Variants in MIER3 observed in about 807,000 individuals in gnomAD.
The protein encoded by MIER3 is MIER family member 3, also known as mesoderm induction early response protein 3.
MIER3 carries 9 observed loss-of-function variants against 63.2 expected under a neutral mutation model. The ratio of observed to expected loss-of-function variants is 0.14; its 90% confidence interval spans 0.09 to 0.25. The LOEUF (loss-of-function observed/expected upper bound fraction) is 0.25. Ranked by LOEUF, MIER3 falls within the 10% of genes least tolerant of loss-of-function variation. MIER3 has a pLI of 1.00. For synonymous variants in MIER3, 205 were observed against 224.9 expected, an observed-to-expected ratio of 0.91 and a Z score of 0.79; for missense variants, 512 against 666.2, an observed-to-expected ratio of 0.77 and a Z score of 2.55.
chr5:56,949,374 G>A (rs1750939115), intron 2 of MIER3, among the ~76,000 whole-genome samples: 1 of 152,112 alleles, frequency 6.6e-6, no homozygotes, highest in Non-Finnish European at 1.5e-5. Flanking sequence ...GAGGCTAATT[G>A]ATTAAAAACA....
chr5:56,944,224 C>A (rs1193450252), intron 3 of MIER3, among the ~76,000 whole-genome samples: 2 of 152,054 alleles, frequency 1.3e-5, no homozygotes, highest in African/African-American at 4.8e-5. Context: ...GTAATCCCAG[C>A]ACTTTGGGAG....
Position 56,935,484 on chromosome 5 carries a change from A to G in MIER3, c.539T>C (p.Leu180Ser). ...EDLRKEIMIG[L>S]QYQAEIPPYL... ...AGGGGGAATCTCTGCCTGATATTGT[A>G]AACCAATCATTATTTCCTACAGGAA... is the stretch of plus-strand genomic sequence containing the variant. The change falls in exon 7 of 13, where the codon TTA (leucine) becomes TCA (serine). Residue 180 changes from leucine to serine, a missense_variant. Around this residue, in one of 5 missense-constraint regions of MIER3, gnomAD observed 118 missense variants for 133.6 expected, o/e 0.88. Transcript: ENST00000381199. 6.3e-7 allele frequency: 1 copy of G among 1,593,322 alleles called. No homozygotes were observed. Among genetic ancestry groups the G allele is most frequent in the Non-Finnish European group, 8.5e-7 (1 of 1,174,176 alleles).
At position 56,950,657 on chromosome 5, in the gene MIER3, G is replaced by C. The variant is rs1198610895; in HGVS notation, c.10-5C>G. Reference sequence around the variant, plus strand: ...GCTCGAACTTCCAAAAGAAGCCTAGGAGAGAGAGAAGAAAACGTGAGGTTA... The same window carrying C: ...GCTCGAACTTCCAAAAGAAGCCTAGCAGAGAGAGAAGAAAACGTGAGGTTA... On this transcript the variant is annotated splice_region_variant and splice_polypyrimidine_tract_variant and intron_variant, in intron 1 of 12. Coordinates refer to ENST00000381199, the MANE Select transcript of MIER3 (RefSeq NM_001297599.2). 1.2e-6 allele frequency: 2 copies of C among 1,613,300 alleles called. No individual in the cohort carries two copies. Among genetic ancestry groups the C allele is most frequent in the African/African-American group, 2.7e-5 (2 of 74,858 alleles).
chr5:56,933,167 T>C (rs1368330828), intron 8 of MIER3, 80 bp downstream of exon 8: 6 of 1,374,968 alleles, frequency 4.4e-6, no homozygotes, highest in Non-Finnish European at 4.8e-6. Flanking sequence ...ACCTCACATG[T>C]TAAAAATATC....
At chr5:56,931,936 AAC>A (rs1242311368) in intron 8 of MIER3, among the ~76,000 whole-genome samples, 1 of 152,214 alleles carries the variant, frequency 6.6e-6, no homozygotes, top group African/African-American at 2.4e-5. Context: ...AAGTAGTTTC[AAC>A]AGTTTAAGAT....
At chr5:56,950,759 G>A in intron 1 of MIER3, 107 bp from the exon 2 acceptor site, 3 of 1,268,476 alleles carry the variant, frequency 2.4e-6, no homozygotes, top group Non-Finnish European at 3.4e-6. Context: ...CTCCGCAGCT[G>A]CCAAAAGTGC....
intron 8 of MIER3, among the ~76,000 whole-genome samples, chr5:56,931,806 T>C (rs1451410557): frequency 2.0e-5 from 3 of 152,136 alleles, no homozygotes; most frequent in Non-Finnish European, 4.4e-5. Flanking sequence ...AATTTAATAA[T>C]GACCCGAAAA....
In MIER3 at chr5:56,921,379, G is replaced by GAGTAAT. The variant is rs1295021847; in HGVS notation, c.*1748_*1749insATTACT. On this transcript the variant is annotated 3_prime_UTR_variant, in exon 13 of 13. Coordinates refer to ENST00000381199, the MANE Select transcript of MIER3 (RefSeq NM_001297599.2). ...ATACAAGAAAGTAACACAGAGCCCA[G>GAGTAAT]GCTACCCATTATTTACTGTGTGCAT... 6.6e-6 allele frequency: 1 copy of GAGTAAT among 152,268 alleles called. No homozygotes were observed. The highest frequency in any genetic ancestry group is 2.4e-5 in the African/African-American group (1 of 41,408). The allele number at this position is 152,268 out of a possible 1,614,324, so 9.4% of individuals were successfully genotyped here. A position where few individuals can be genotyped will look rare whatever the true frequency, so the allele number is the denominator to read the frequency against.
In MIER3 at chr5:56,950,667, A is replaced by G. The variant is rs746627451; in HGVS notation, c.10-15T>C. 1.2e-6 allele frequency: 2 copies of G among 1,613,290 alleles called. No individual in the cohort carries two copies. The highest frequency in any genetic ancestry group is 2.2e-5 in the East Asian group (1 of 44,860). On this transcript the variant is annotated splice_polypyrimidine_tract_variant and intron_variant, in intron 1 of 12. Transcript: ENST00000381199. ...CCAAAAGAAGCCTAGGAGAGAGAGA[A>G]GAAAACGTGAGGTTAGATCGCACAG...
chr5:56,938,848 G>T, intron 4 of MIER3, 35 bp downstream of exon 4: 1 of 1,603,354 alleles, frequency 6.2e-7, no homozygotes, highest in South Asian at 1.1e-5. Flanking sequence ...AATGGTAACA[G>T]ACCCTGAATT....
intron 4 of MIER3, chr5:56,938,454 G>A (rs977129845): frequency 7.3e-5 from 33 of 451,688 alleles, no homozygotes; most frequent in African/African-American, 6.1e-4. Flanking sequence ...ATGGATCACC[G>A]CGGTCTTGGC....
rs1749626317 is a variant in MIER3 at position 56,920,611 on chromosome 5, G to A, written c.*2517C>T. On this transcript the variant is annotated 3_prime_UTR_variant, in exon 13 of 13. Coordinates refer to ENST00000381199, the MANE Select transcript of MIER3 (RefSeq NM_001297599.2). ...ACAGTAACAAATTCTCTGTTAAGATGTTTAAACTGAGAGAAAAAAAAAACC... is the reference window on the plus strand; with the variant it reads ...ACAGTAACAAATTCTCTGTTAAGATATTTAAACTGAGAGAAAAAAAAAACC... 6.6e-6 allele frequency: 1 copy of A among 152,024 alleles called. No homozygotes were observed. The allele number at this position is 152,024 out of a possible 1,614,324, so 9.4% of individuals were successfully genotyped here.
intron 7 of MIER3, among the ~76,000 whole-genome samples, 167 bp downstream of exon 7, chr5:56,935,261 T>C (rs1265845780): frequency 6.6e-6 from 1 of 152,152 alleles, no homozygotes; most frequent in Non-Finnish European, 1.5e-5. Flanking sequence ...GTCTAGTGAT[T>C]AACTTTGATA....
chr5:56,947,037 G>C lies in MIER3; in HGVS notation c.69C>G (p.Asp23Glu). 6.2e-7 allele frequency: 1 copy of C among 1,609,358 alleles called. No homozygotes were observed. Among genetic ancestry groups the C allele is most frequent in the Non-Finnish European group, 8.5e-7 (1 of 1,178,462 alleles). Reference protein sequence around the residue: ...GSLSSEDHDFDPTAEMLVHDY... With the variant: ...GSLSSEDHDFEPTAEMLVHDY... ...CATGGACCAACATCTCAGCAGTGGG[G>C]TCAAAATCATGATCCTCAGAAGACA... Residue 23 changes from aspartate (D) to glutamate (E), a missense_variant, in exon 3 of 13, where the codon GAC becomes GAG. This residue lies in a region of MIER3 where 98 missense variants were observed against 107.4 expected (regional missense o/e 0.91). Transcript: ENST00000381199.
intron 3 of MIER3, among the ~76,000 whole-genome samples, chr5:56,944,188 T>G (rs1750747807): frequency 6.6e-6 from 1 of 152,002 alleles, no homozygotes; most frequent in African/African-American, 2.4e-5. Flanking sequence ...AAGTCAACAG[T>G]AGGCTGGGCG....
At chr5:56,925,305 G>A (rs745878589) in intron 10 of MIER3, 4 of 453,690 alleles carry the variant, frequency 8.8e-6, no homozygotes, top group Non-Finnish European at 1.8e-5. Context: ...GATTGGGAAG[G>A]AAGAAATAAA....
chr5:56,925,020 T>A (rs539802002), intron 10 of MIER3, among the ~76,000 whole-genome samples: 1 of 152,216 alleles, frequency 6.6e-6, no homozygotes, highest in African/African-American at 2.4e-5. Flanking sequence ...GTATCTCTAG[T>A]GCCTAAAACA....
At chr5:56,937,133 A>G (rs1250563316) in intron 5 of MIER3, among the ~76,000 whole-genome samples, 1 of 152,104 alleles carries the variant, frequency 6.6e-6, no homozygotes, top group African/African-American at 2.4e-5. Context: ...GCAGTGCAGT[A>G]GCATGATCTC....
At chr5:56,926,065 T>A (rs75022492) in intron 10 of MIER3, among the ~76,000 whole-genome samples, 3,288 of 152,114 alleles carry the variant, frequency 0.022, 126 homozygotes, top group African/African-American at 0.076. Flanking sequence ...GAAATGAATC[T>A]AGACATAGAC....
Sources: gnomAD v4.1 joint callset for allele counts (sites outside exome capture counted in the v4.1 genomes callset) on GRCh38, gnomAD v4.1.1 for gene constraint, gnomAD v4.1.1 regional missense constraint, MANE v1.5 for transcripts, NCBI Gene and HGNC (gene_info 2026-07-23, HGNC 2026-07-21) for gene names.